PDZRN4: variants seen among roughly 807,000 people sequenced by gnomAD.
The protein encoded by PDZRN4 is PDZ domain-containing RING finger protein 4.
A neutral mutation model predicts 99.0 loss-of-function variants in PDZRN4; 70 were observed. The ratio of observed to expected loss-of-function variants is 0.71; its 90% CI spans 0.58 to 0.86. PDZRN4 has a LOEUF of 0.86. Among genes scored for constraint, PDZRN4 ranks in the 40% least tolerant of loss-of-function variants. The pLI is 0.00. For missense variants in PDZRN4, 1,474 were observed against 1,331.2 expected, an observed-to-expected ratio of 1.11 and a Z score of -1.67; for synonymous variants, 551 against 501.6, an observed-to-expected ratio of 1.10 and a Z score of -1.32.
At chr12:41,502,011 G>C (rs149454376) in intron 3 of PDZRN4, among the ~76,000 whole-genome samples, 1 of 151,820 alleles carries the variant, frequency 6.6e-6, no homozygotes, top group East Asian at 1.9e-4. Flanking sequence ...AGTTTGTCTC[G>C]GGACAACCAC....
At chr12:41,500,709 G>T (rs1036779992) in intron 3 of PDZRN4, among the ~76,000 whole-genome samples, 1 of 151,714 alleles carries the variant, frequency 6.6e-6, no homozygotes, top group Non-Finnish European at 1.5e-5. Context: ...ATATAACAAT[G>T]TTCAAATAGA....
intron 3 of PDZRN4, among the ~76,000 whole-genome samples, chr12:41,207,160 C>A (rs1331931314): frequency 6.6e-6 from 1 of 151,776 alleles, no homozygotes; most frequent in Non-Finnish European, 1.5e-5. Context: ...GAGGACATTT[C>A]TTTTTGTAAC....
intron 5 of PDZRN4, among the ~76,000 whole-genome samples, chr12:41,524,704 TAAG>T (rs1245021644): frequency 6.6e-6 from 1 of 152,222 alleles, no homozygotes; most frequent in Non-Finnish European, 1.5e-5. Context: ...TAGAGGGATT[TAAG>T]AAGGAAACAG....
intron 3 of PDZRN4, among the ~76,000 whole-genome samples, chr12:41,399,550 C>A (rs756759080): frequency 1.2e-4 from 19 of 152,180 alleles, no homozygotes; most frequent in Non-Finnish European, 2.4e-4. Flanking sequence ...GCCTGGGCAA[C>A]ATGGTGAAAC....
intron 3 of PDZRN4, among the ~76,000 whole-genome samples, chr12:41,425,393 G>A (rs999675026): frequency 6.6e-6 from 1 of 151,510 alleles, no homozygotes; most frequent in South Asian, 2.1e-4. Flanking sequence ...ACACACTGGG[G>A]CAGAGAAAAT....
chr12:41,410,234 G>T (rs1391341683), intron 3 of PDZRN4, among the ~76,000 whole-genome samples: 2 of 152,140 alleles, frequency 1.3e-5, no homozygotes, highest in South Asian at 2.1e-4. Context: ...GTTTGGCATG[G>T]TCATGTCTCG....
At chr12:41,197,919 G>GTTTTTTTTTTTTTTTTTTTT (rs764851464) in intron 3 of PDZRN4, among the ~76,000 whole-genome samples, 7 of 113,464 alleles carry the variant, frequency 6.2e-5, no homozygotes, top group African/African-American at 1.0e-4. Context: ...GTTTTTTCTG[G>GTTTTTTTTTTTTTTTTTTTT]GTTTTTTTTT....
chr12:41,209,394 G>A lies in PDZRN4; in HGVS notation c.843+15206G>A, dbSNP rs578041259. 6.0e-5 allele frequency among the ~76,000 whole-genome samples: 9 copies of A among 151,186 alleles called. No homozygotes were observed. In the South Asian group the frequency reaches 1.5e-3, roughly 25 times the overall value. ...AAGTCTTAGGGTACCTGTGCACAAC[G>A]TGCAGGTTTGTTACATATGTATACA... On this transcript the variant is annotated intron_variant, in intron 3 of 9. Coordinates refer to ENST00000402685, the MANE Select transcript of PDZRN4 (RefSeq NM_001164595.2).
At chr12:41,208,921 G>A (rs1950868538) in intron 3 of PDZRN4, among the ~76,000 whole-genome samples, 1 of 151,792 alleles carries the variant, frequency 6.6e-6, no homozygotes, top group Non-Finnish European at 1.5e-5. Flanking sequence ...AAAAGATAAT[G>A]AATTTTCACC....
chr12:41,417,825 G>A (rs1390879603), intron 3 of PDZRN4, among the ~76,000 whole-genome samples: 2 of 152,174 alleles, frequency 1.3e-5, no homozygotes, highest in Non-Finnish European at 2.9e-5. Context: ...TAAATAGAGA[G>A]AATTGAACTG....
At chr12:41,570,279 G>C (rs557157853) in intron 9 of PDZRN4, among the ~76,000 whole-genome samples, 5 of 152,202 alleles carry the variant, frequency 3.3e-5, no homozygotes, top group African/African-American at 1.2e-4. Context: ...GAAATGTCTA[G>C]GTAGAAACAT....
chr12:41,283,378 C>G (rs1189195012), intron 3 of PDZRN4, among the ~76,000 whole-genome samples: 2 of 152,114 alleles, frequency 1.3e-5, no homozygotes, highest in East Asian at 1.9e-4. Flanking sequence ...TAATACCCTA[C>G]TAGCCAAAAA....
At chr12:41,304,938 G>A (rs1951559557) in intron 3 of PDZRN4, among the ~76,000 whole-genome samples, 1 of 152,174 alleles carries the variant, frequency 6.6e-6, no homozygotes, top group African/African-American at 2.4e-5. Flanking sequence ...TGCAGTATGG[G>A]AATATGACTA....
intron 3 of PDZRN4, chr12:41,409,909 A>T (rs1336186418): frequency 6.6e-6 from 1 of 152,178 alleles, no homozygotes; most frequent in Non-Finnish European, 1.5e-5. Flanking sequence ...CCATATTAGA[A>T]TTCTCTCTGA....
At chr12:41,524,265 T>C (rs750677464) in intron 5 of PDZRN4, among the ~76,000 whole-genome samples, 2 of 152,200 alleles carry the variant, frequency 1.3e-5, no homozygotes, top group Non-Finnish European at 2.9e-5. Context: ...TTAATATTCT[T>C]AGAATGTCTG....
intron 3 of PDZRN4, among the ~76,000 whole-genome samples, chr12:41,402,310 G>A (rs1274958504): frequency 0.93 from 632 of 678 alleles, 316 homozygotes; most frequent in Non-Finnish European, 0.94. Context: ...CACACAGTGT[G>A]TATATATATA....
intron 3 of PDZRN4, among the ~76,000 whole-genome samples, chr12:41,216,049 T>C (rs1950919218): frequency 6.6e-6 from 1 of 151,948 alleles, no homozygotes; most frequent in African/African-American, 2.4e-5. Context: ...TATCAATTTC[T>C]TTTCTTTCTC....
intron 3 of PDZRN4, among the ~76,000 whole-genome samples, chr12:41,244,636 CT>C (rs1468656676): frequency 6.6e-6 from 1 of 151,208 alleles, no homozygotes; most frequent in Non-Finnish European, 1.5e-5. Flanking sequence ...AGGCTTGCCC[CT>C]GGAAGGCCTT....
At chr12:41,286,420 C>T (rs12369121) in intron 3 of PDZRN4, among the ~76,000 whole-genome samples, 14,700 of 149,190 alleles carry the variant, frequency 0.099, 837 homozygotes, top group East Asian at 0.17. Context: ...AGAACTACCC[C>T]ACTCTCCCAA....
Sources: allele counts gnomAD v4.1 joint callset (sites outside exome capture counted in the v4.1 genomes callset), GRCh38; gene constraint gnomAD v4.1.1; transcripts MANE v1.5; gene names NCBI Gene and HGNC (gene_info 2026-07-23, HGNC 2026-07-21).